The following GPR39 variants were observed in gnomAD, a reference collection of about 807,000 sequenced individuals.
GPR39 encodes zinc sensing receptor.
In GPR39, 23 loss-of-function variants were observed where a neutral mutation model predicts 18.4. That is an observed-to-expected ratio of 1.25 (90% confidence interval 0.90 to 1.77). The LOEUF (loss-of-function observed/expected upper bound fraction) is 1.77, where lower values mean the gene tolerates loss of function less well. Ranked by LOEUF, GPR39 falls within the 40% of genes most tolerant of loss-of-function variation. The pLI, the probability that GPR39 is intolerant of heterozygous loss-of-function variation, is 0.00. For missense variants in GPR39, 647 were observed against 602.4 expected, an observed-to-expected ratio of 1.07 and a Z score of -0.78; for synonymous variants, 280 against 257.9, an observed-to-expected ratio of 1.09 and a Z score of -0.82.
intron 1 of GPR39, among the ~76,000 whole-genome samples, chr2:132,579,395 C>T (rs908268733): frequency 2.0e-5 from 3 of 152,056 alleles, no homozygotes; most frequent in Non-Finnish European, 2.9e-5. Flanking sequence ...TCTTGGTATA[C>T]GTTCTGTGGG....
intron 1 of GPR39, among the ~76,000 whole-genome samples, chr2:132,595,765 CCT>C (rs1680934123): frequency 6.6e-6 from 1 of 152,106 alleles, no homozygotes; most frequent in South Asian, 2.1e-4. Flanking sequence ...CTGCCAAGCC[CCT>C]GTGTCATGAG....
chr2:132,417,651 G>A lies in GPR39; in HGVS notation c.609G>A (p.Glu203=). 1 of 1,614,144 alleles carries A rather than the reference G, an allele frequency of 6.2e-7. No individual in the cohort carries two copies. Among genetic ancestry groups the A allele is most frequent in the African/African-American group, 1.3e-5 (1 of 75,044 alleles). Residue 203 remains glutamate, a synonymous_variant, in exon 1 of 2, where the codon GAG becomes GAA. Transcript: ENST00000329321. ...GCACCCGCCACCACGAGCAGCCCGA[G>A]ACCTCCAATATGTCCATCTGTACCA... is the stretch of plus-strand genomic sequence containing the variant. ...RSSTRHHEQP[E]TSNMSICTNL...
chr2:132,499,003 T>C (rs1208455488), intron 1 of GPR39, among the ~76,000 whole-genome samples: 1 of 152,196 alleles, frequency 6.6e-6, no homozygotes, highest in African/African-American at 2.4e-5. Context: ...TCCCACTCTG[T>C]GGGTTGTCTG....
At chr2:132,559,707 C>T (rs1166403071) in intron 1 of GPR39, among the ~76,000 whole-genome samples, 4 of 152,132 alleles carry the variant, frequency 2.6e-5, no homozygotes, top group East Asian at 3.9e-4. Flanking sequence ...AACAGCATTT[C>T]GCAGCGTAGT....
chr2:132,445,145 A>G (rs1057112881), intron 1 of GPR39, among the ~76,000 whole-genome samples: 3 of 134,682 alleles, frequency 2.2e-5, no homozygotes, highest in African/African-American at 7.7e-5. Context: ...TTTTATTGTT[A>G]CATGTTAACT....
intron 1 of GPR39, among the ~76,000 whole-genome samples, chr2:132,421,839 A>T (rs1680015984): frequency 6.6e-6 from 1 of 151,802 alleles, no homozygotes; most frequent in African/African-American, 2.4e-5. Context: ...GAGAGAAGAG[A>T]GGGTAGAGGG....
chr2:132,453,408 A>C (rs1680664488), intron 1 of GPR39, among the ~76,000 whole-genome samples: 1 of 152,022 alleles, frequency 6.6e-6, no homozygotes, highest in African/African-American at 2.4e-5. Context: ...AGATTGCAAA[A>C]ATTTTTTCCC....
rs750539568 is a variant in GPR39, at chr2:132,492,310, T to TAC, written c.856+74413_856+74414dup. Among the ~76,000 whole-genome samples, 244 of 131,806 alleles carry TAC rather than the reference T, an allele frequency of 1.9e-3. 18 individuals are homozygous for TAC. The highest frequency in any genetic ancestry group is 8.0e-3 in the African/African-American group (232 of 28,906). The allele number at this position is 131,806 out of a possible 152,430, so 86.5% of individuals were successfully genotyped here. On this transcript the variant is annotated intron_variant, in intron 1 of 1. Coordinates refer to ENST00000329321, the MANE Select transcript of GPR39 (RefSeq NM_001508.3). ...ACCATATATATACATACCATATATA[T>TAC]ACCATATATATACATACCATATATA...
chr2:132,438,823 G>T lies in GPR39; in HGVS notation c.856+20925G>T, dbSNP rs561779783. ...CTGTCATACCCTGAGGGTACACAGG[G>T]CCCAAGCCCTGGAGAGAAGGGGAAA... On this transcript the variant is annotated intron_variant, in intron 1 of 1. Coordinates refer to ENST00000329321, the MANE Select transcript of GPR39 (RefSeq NM_001508.3). 8.5e-5 allele frequency among the ~76,000 whole-genome samples: 13 copies of T among 152,184 alleles called. No homozygotes were observed. The South Asian group carries it at 2.7e-3, about 32-fold the overall frequency.
intron 1 of GPR39, among the ~76,000 whole-genome samples, chr2:132,547,660 A>C (rs528332522): frequency 6.6e-6 from 1 of 152,188 alleles, no homozygotes; most frequent in Admixed American, 6.5e-5. Context: ...AATGCAATCT[A>C]TCTCCCTCCC....
chr2:132,606,831 G>A (rs750830310), intron 1 of GPR39, among the ~76,000 whole-genome samples: 10 of 152,138 alleles, frequency 6.6e-5, no homozygotes, highest in Admixed American at 3.3e-4. Flanking sequence ...CCCTGTGGTC[G>A]GGCCGCTCAA....
intron 1 of GPR39, among the ~76,000 whole-genome samples, chr2:132,592,866 G>A (rs947247382): frequency 6.6e-6 from 1 of 151,964 alleles, no homozygotes; most frequent in African/African-American, 2.4e-5. Flanking sequence ...AGATGAAGGA[G>A]TTAGTCCTCT....
At chr2:132,598,243 A>T (rs1455146234) in intron 1 of GPR39, among the ~76,000 whole-genome samples, 1 of 152,150 alleles carries the variant, frequency 6.6e-6, no homozygotes, top group South Asian at 2.1e-4. Context: ...CTACATACAG[A>T]TTGGTTTAAA....
intron 1 of GPR39, among the ~76,000 whole-genome samples, chr2:132,528,193 T>C (rs1432275431): frequency 6.6e-6 from 1 of 152,216 alleles, no homozygotes; most frequent in East Asian, 1.9e-4. Flanking sequence ...GGGAATCCTT[T>C]CTCCATTGCT....
At chr2:132,551,556 G>A (rs1680044767) in intron 1 of GPR39, among the ~76,000 whole-genome samples, 1 of 152,196 alleles carries the variant, frequency 6.6e-6, no homozygotes, top group South Asian at 2.1e-4. Flanking sequence ...AGGATGGGCA[G>A]TGGAAGGTTT....
chr2:132,598,416 C>A lies in GPR39; in HGVS notation c.857-46685C>A, dbSNP rs181987758. Among the ~76,000 whole-genome samples, 6 of 128,908 alleles carry A rather than the reference C, an allele frequency of 4.7e-5. No individual in the cohort carries two copies. In the East Asian group the frequency reaches 1.4e-3, roughly 29 times the overall value. 84.6% of individuals were successfully genotyped at this position (128,908 alleles called of 152,430 possible). ...CCCATGTCCAAAGCTTCTGATTTGG[C>A]TGGTCTAAGGTGAACTTTTTTTTTT... On this transcript the variant is annotated intron_variant, in intron 1 of 1. Transcript: ENST00000329321.
At chr2:132,619,527 A>G (rs1212653684) in intron 1 of GPR39, among the ~76,000 whole-genome samples, 1 of 152,032 alleles carries the variant, frequency 6.6e-6, no homozygotes, top group African/African-American at 2.4e-5. Flanking sequence ...TGTTCAAACT[A>G]TTTCTACCCA....
intron 1 of GPR39, among the ~76,000 whole-genome samples, chr2:132,435,029 G>T (rs1680287165): frequency 1.3e-5 from 2 of 152,164 alleles, no homozygotes; most frequent in Admixed American, 6.5e-5. Flanking sequence ...TCTGGCCAAA[G>T]CTTCTAATTA....
chr2:132,475,023 C>T (rs535472211), intron 1 of GPR39, among the ~76,000 whole-genome samples: 1 of 152,282 alleles, frequency 6.6e-6, no homozygotes, highest in South Asian at 2.1e-4. Flanking sequence ...TTCTTCAGAA[C>T]TATGCTGAGG....
Sources: gnomAD v4.1 joint callset for allele counts (sites outside exome capture counted in the v4.1 genomes callset) on GRCh38, gnomAD v4.1.1 for gene constraint, MANE v1.5 for transcripts, NCBI Gene and HGNC (gene_info 2026-07-23, HGNC 2026-07-21) for gene names.